Variants in LNPK observed in about 807,000 individuals in gnomAD.
LNPK encodes lunapark, ER junction formation factor.
Under a neutral mutation model 55.2 loss-of-function variants are expected in LNPK, and 29 were observed. The observed-to-expected ratio is 0.53, with a 90% confidence interval of 0.39 to 0.72. The LOEUF is 0.72. Among genes scored for constraint, LNPK ranks in the 30% least tolerant of loss-of-function variants. The pLI, the probability that LNPK is intolerant of heterozygous loss-of-function variation, is 0.00. For synonymous variants in LNPK, 162 were observed against 168.2 expected (o/e 0.96, Z 0.29); for missense variants, 467 against 494.8 (o/e 0.94, Z 0.53).
chr2:175,956,503 C>G (rs950227185), intron 8 of LNPK, among the ~76,000 whole-genome samples: 3 of 152,138 alleles, frequency 2.0e-5, no homozygotes, highest in African/African-American at 7.2e-5. Flanking sequence ...ATTAATAGGT[C>G]AGTGAACATT....
In LNPK at chr2:175,987,117, A is replaced by G. The variant is rs144522254; in HGVS notation, c.257+5114T>C. 4.2e-3 allele frequency among the ~76,000 whole-genome samples: 642 copies of G among 152,332 alleles called. 5 individuals carry two copies. The highest frequency in any genetic ancestry group is 0.012 in the Admixed American group (189 of 15,294). On this transcript the variant is annotated intron_variant, in intron 4 of 12. Transcript: ENST00000272748. Reference sequence around the variant, plus strand: ...AAGACTATTATTGTAGTTGAATATAAAATTAGTATAGAAAATCACTAGAAA... The same window carrying G: ...AAGACTATTATTGTAGTTGAATATAGAATTAGTATAGAAAATCACTAGAAA...
At chr2:175,948,098 G>A (rs1685232790) in intron 8 of LNPK, among the ~76,000 whole-genome samples, 1 of 152,174 alleles carries the variant, frequency 6.6e-6, no homozygotes, top group Non-Finnish European at 1.5e-5. Context: ...TAAGCGATAA[G>A]TGAATAAGTA....
chr2:175,942,333 T>A (rs1320406453), intron 9 of LNPK, among the ~76,000 whole-genome samples: 1 of 152,222 alleles, frequency 6.6e-6, no homozygotes, highest in Non-Finnish European at 1.5e-5. Flanking sequence ...TGAGCATCCG[T>A]GGATTCCAGT....
At chr2:175,986,993 AAAC>A (rs1211699859) in intron 4 of LNPK, among the ~76,000 whole-genome samples, 1 of 152,100 alleles carries the variant, frequency 6.6e-6, no homozygotes, top group Non-Finnish European at 1.5e-5. Flanking sequence ...CAAACGAAAA[AAAC>A]AAAAGGAGGT....
chr2:175,996,233 T>C (rs555377612), intron 1 of LNPK, among the ~76,000 whole-genome samples: 4 of 152,322 alleles, frequency 2.6e-5, no homozygotes, highest in Admixed American at 6.5e-5. Flanking sequence ...CTTTGCAATT[T>C]TCTATCCTTT....
At chr2:175,988,339 T>TA (rs112567631) in intron 4 of LNPK, among the ~76,000 whole-genome samples, 11,927 of 145,396 alleles carry the variant, frequency 0.082, 493 homozygotes, top group South Asian at 0.099. Flanking sequence ...CCATCTCTAC[T>TA]AAAAAAAAAA....
Position 175,992,315 on chromosome 2 carries a change from C to G in LNPK, c.173G>C (p.Cys58Ser). The G allele has an allele frequency of 6.4e-7, 1 of 1,568,056 alleles. No homozygotes were observed. The highest frequency in any genetic ancestry group is 8.6e-7 in the Non-Finnish European group (1 of 1,162,634). The change falls in exon 4 of 13, where the codon TGC becomes TCC. Residue 58 changes from cysteine (C) to serine (S), a missense_variant. Physicochemically the swap from Cys to Ser is moderately radical, Grantham distance 112. Coordinates refer to ENST00000272748, the MANE Select transcript of LNPK (RefSeq NM_030650.3). ...LYSSVLYLFT[C>S]LIVYLWYLPD... ...AAGATACCACAAATATACAATTAAGCATGTAAACAGATAGAGAACTGAGGA... is the reference window on the plus strand; with the variant it reads ...AAGATACCACAAATATACAATTAAGGATGTAAACAGATAGAGAACTGAGGA...
At chr2:175,988,766 A>G (rs1687554649) in intron 4 of LNPK, among the ~76,000 whole-genome samples, 1 of 152,116 alleles carries the variant, frequency 6.6e-6, no homozygotes, top group Non-Finnish European at 1.5e-5. Flanking sequence ...TATTATATAT[A>G]AAAGCCATAT....
intron 5 of LNPK, among the ~76,000 whole-genome samples, chr2:175,977,827 T>A (rs1322236703): frequency 1.3e-5 from 2 of 152,166 alleles, no homozygotes; most frequent in Non-Finnish European, 2.9e-5. Flanking sequence ...AAAGGAAATG[T>A]AGGGTTAGGA....
Position 175,926,656 on chromosome 2 carries a change from A to T in LNPK, c.*3311T>A, listed in dbSNP as rs1419782178. ...ACAAATATAATAATATATATACAGC[A>T]GTTAGCATGTTGCCTGGCACAGAAT... is the stretch of plus-strand genomic sequence containing the variant. On this transcript the variant is annotated 3_prime_UTR_variant, in exon 13 of 13. Transcript: ENST00000272748. The T allele has an allele frequency of 6.6e-6, 1 of 152,250 alleles. No homozygotes were observed. Among genetic ancestry groups the T allele is most frequent in the Non-Finnish European group, 1.5e-5 (1 of 68,050 alleles). 9.4% of individuals were successfully genotyped at this position (152,250 alleles called of 1,614,324 possible).
At chr2:175,972,101 G>T (rs760065188) in intron 5 of LNPK, among the ~76,000 whole-genome samples, 1 of 151,828 alleles carries the variant, frequency 6.6e-6, no homozygotes, top group Non-Finnish European at 1.5e-5. Flanking sequence ...TTTTTAGTAC[G>T]GACAGGGTTT....
At chr2:175,958,791 T>A (rs1685837207) in intron 8 of LNPK, among the ~76,000 whole-genome samples, 1 of 152,136 alleles carries the variant, frequency 6.6e-6, no homozygotes, top group Admixed American at 6.5e-5. Context: ...AGGAGGATGT[T>A]CGAACCCATC....
chr2:175,994,314 T>C (rs1687836585), intron 2 of LNPK: 8 of 984,394 alleles, frequency 8.1e-6, no homozygotes, highest in Non-Finnish European at 9.6e-6. Context: ...AGAGATAAAT[T>C]TGATCCTTGG....
intron 12 of LNPK, among the ~76,000 whole-genome samples, chr2:175,934,460 T>C: frequency 6.6e-6 from 1 of 152,118 alleles, no homozygotes; most frequent in Non-Finnish European, 1.5e-5. Flanking sequence ...TATTTCCAAT[T>C]GGACAAAAAC....
Position 175,958,907 on chromosome 2 carries a change from G to A in LNPK, c.493+5465C>T, listed in dbSNP as rs188030485. 2.5e-3 allele frequency among the ~76,000 whole-genome samples: 382 copies of A among 152,274 alleles called. 1 individual carries two copies. Among genetic ancestry groups the A allele is most frequent in the African/African-American group, 8.8e-3 (366 of 41,550 alleles). ...CTGATGGAGCTGAAAACCATAGCAC[G>A]AGAACTACGTGATGCATGCACAAGC... On this transcript the variant is annotated intron_variant, in intron 8 of 12. Coordinates refer to ENST00000272748, the MANE Select transcript of LNPK (RefSeq NM_030650.3).
At chr2:175,946,039 T>C (rs557622498) in intron 9 of LNPK, among the ~76,000 whole-genome samples, 14 of 152,278 alleles carry the variant, frequency 9.2e-5, no homozygotes, top group Non-Finnish European at 1.2e-4. Flanking sequence ...TTTAACTCAT[T>C]CACATTTTTG....
rs1464910179 is a variant in LNPK at position 175,928,038 on chromosome 2, G to A, written c.*1929C>T. On this transcript the variant is annotated 3_prime_UTR_variant, in exon 13 of 13. Transcript: ENST00000272748. Reference sequence around the variant, plus strand: ...ATGTTACTAAAATCCATATGGGTCAGTAACATACAAAAAACCTGATGAAAT... The same window carrying A: ...ATGTTACTAAAATCCATATGGGTCAATAACATACAAAAAACCTGATGAAAT... 6.6e-6 allele frequency: 1 copy of A among 152,030 alleles called. No homozygotes were observed. Among genetic ancestry groups the A allele is most frequent in the Non-Finnish European group, 1.5e-5 (1 of 67,996 alleles). 9.4% of individuals were successfully genotyped at this position (152,030 alleles called of 1,614,324 possible). A position where few individuals can be genotyped will look rare whatever the true frequency, so the allele number is the denominator to read the frequency against.
At position 175,930,129 on chromosome 2, in the gene LNPK, C is replaced by T. The variant is rs1684195911; in HGVS notation, c.1125G>A (p.Gln375=). The change falls in exon 13 of 13, where the codon CAG becomes CAA. Residue 375 remains glutamine, a synonymous_variant. Coordinates refer to ENST00000272748, the MANE Select transcript of LNPK (RefSeq NM_030650.3). The part of the protein sequence containing the change: ...QTDDKIPATE[Q]TNQVIEKASD... The stretch of plus-strand genomic sequence containing the variant: ...ATGCTTTTTCAATCACTTGGTTTGT[C>T]TGTTCTGTAGCTGGTATTTTGTCAT... 6.2e-7 allele frequency: 1 copy of T among 1,613,842 alleles called. No homozygotes were observed. The highest frequency in any genetic ancestry group is 2.2e-5 in the East Asian group (1 of 44,868).
chr2:175,995,788 T>C (rs1687901831), intron 1 of LNPK, 142 bp from the exon 2 acceptor site: 1 of 326,108 alleles, frequency 3.1e-6, no homozygotes, highest in Admixed American at 5.1e-5. Context: ...CAGACAGTTA[T>C]TGGGATAGAG....
Sources: gnomAD v4.1 joint callset for allele counts (sites outside exome capture counted in the v4.1 genomes callset) on GRCh38, gnomAD v4.1.1 for gene constraint, MANE v1.5 for transcripts, NCBI Gene and HGNC (gene_info 2026-07-23, HGNC 2026-07-21) for gene names.